Variants in LYPLAL1 observed in about 807,000 individuals in gnomAD.
The protein encoded by LYPLAL1 is lysophospholipase like 1, also known as lysophospholipase-like protein 1.
LYPLAL1 carries 23 observed loss-of-function variants against 19.7 expected under a neutral mutation model. The ratio of observed to expected loss-of-function variants is 1.17; its 90% CI spans 0.84 to 1.65. LYPLAL1 has a LOEUF of 1.65. Among genes scored for constraint, LYPLAL1 ranks in the 40% most tolerant of loss-of-function variants. The probability of loss-of-function intolerance (pLI) is 0.00; values close to 1 mark genes in which losing one functional copy is unlikely to be tolerated. For missense variants in LYPLAL1, 355 were observed against 279.4 expected, an observed-to-expected ratio of 1.27 and a Z score of -1.93; for synonymous variants, 119 against 96.3, an observed-to-expected ratio of 1.24 and a Z score of -1.38.
the LYPLAL1 span, among the ~76,000 whole-genome samples, chr1:219,229,428 C>CATCT: frequency 6.6e-6 from 1 of 152,018 alleles, no homozygotes; most frequent in African/African-American, 2.4e-5. Flanking sequence ...CGGCGAAAAG[C>CATCT]ATCTCTCTTC....
chr1:219,230,432 A>G, the LYPLAL1 span, among the ~76,000 whole-genome samples: 1 of 152,128 alleles, frequency 6.6e-6, no homozygotes, highest in Admixed American at 6.5e-5. Flanking sequence ...TTGCAATTTG[A>G]TTGACTTAGC....
the LYPLAL1 span, among the ~76,000 whole-genome samples, chr1:219,233,918 T>C: frequency 6.6e-6 from 1 of 152,276 alleles, no homozygotes; most frequent in South Asian, 2.1e-4. Flanking sequence ...TGACCATACA[T>C]AGGGAAAAGA....
chr1:219,212,883 T>A (rs1181503363), downstream of LYPLAL1: 1 of 152,084 alleles, frequency 6.6e-6, no homozygotes, highest in Non-Finnish European at 1.5e-5. Flanking sequence ...CATCGACCTA[T>A]GTTATTTTTC....
At chr1:219,200,287 C>A in intron 3 of LYPLAL1, 2 of 218,414 alleles carry the variant, frequency 9.2e-6, no homozygotes, top group South Asian at 8.8e-5. Context: ...ATTTGTAGCT[C>A]CAGTACTTCT....
downstream of LYPLAL1, among the ~76,000 whole-genome samples, chr1:219,214,984 C>T (rs1362327952): frequency 6.6e-6 from 1 of 152,098 alleles, no homozygotes; most frequent in Non-Finnish European, 1.5e-5. Context: ...GCCACTGCAC[C>T]TGACCCAGGC....
the LYPLAL1 span, among the ~76,000 whole-genome samples, chr1:219,344,042 C>A: frequency 6.6e-6 from 1 of 152,148 alleles, no homozygotes; most frequent in Non-Finnish European, 1.5e-5. Context: ...AGGAAAGATT[C>A]CCCTCCACCT....
At chr1:219,220,385 T>C in the LYPLAL1 span, among the ~76,000 whole-genome samples, 1 of 151,520 alleles carries the variant, frequency 6.6e-6, no homozygotes, top group Admixed American at 6.6e-5. Flanking sequence ...AGAAGGCATA[T>C]CAAGCAGGCC....
the LYPLAL1 span, among the ~76,000 whole-genome samples, chr1:219,234,945 A>T: frequency 3.3e-5 from 5 of 150,862 alleles, no homozygotes; most frequent in Non-Finnish European, 5.9e-5. Flanking sequence ...TCATTTCTTT[A>T]TCCCTGTATT....
chr1:219,202,313 A>G (rs1004473968), intron 3 of LYPLAL1, among the ~76,000 whole-genome samples: 4 of 152,192 alleles, frequency 2.6e-5, no homozygotes, highest in African/African-American at 9.6e-5. Context: ...CACCCATCCT[A>G]TGGTCACCTG....
Position 219,205,350 on chromosome 1 carries a change from C to G in LYPLAL1, c.362-5182C>G, listed in dbSNP as rs1422227932. On this transcript the variant is annotated intron_variant, in intron 3 of 4. Coordinates refer to ENST00000366928, the MANE Select transcript of LYPLAL1 (RefSeq NM_138794.5). ...CCGCAGTCCGGCCTGGGCGACAGAG[C>G]GAGACTCCGTCTCAAAAAAAAAAAA... Among the ~76,000 whole-genome samples the G allele has an allele frequency of 3.4e-5, 4 of 118,698 alleles. No homozygotes were observed. The East Asian group carries it at 1.0e-3, about 31-fold the overall frequency. The allele number at this position is 118,698 out of a possible 152,430, so 77.9% of individuals were successfully genotyped here.
chr1:219,332,822 G>T, the LYPLAL1 span, among the ~76,000 whole-genome samples: 1 of 125,718 alleles, frequency 8.0e-6, no homozygotes. Context: ...CTGATTTTCT[G>T]CCCCCCCCCC....
chr1:219,316,458 A>T, the LYPLAL1 span, among the ~76,000 whole-genome samples: 2 of 152,132 alleles, frequency 1.3e-5, no homozygotes, highest in Non-Finnish European at 2.9e-5. Context: ...TCTTCATAGG[A>T]TGAGTGGAAA....
chr1:219,205,061 A>G, intron 3 of LYPLAL1, among the ~76,000 whole-genome samples: 1 of 152,182 alleles, frequency 6.6e-6, no homozygotes, highest in East Asian at 1.9e-4. Flanking sequence ...TATTAATAGA[A>G]TTGAGTATTA....
At chr1:219,354,520 G>GACT in the LYPLAL1 span, among the ~76,000 whole-genome samples, 1 of 152,190 alleles carries the variant, frequency 6.6e-6, no homozygotes, top group Admixed American at 6.5e-5. Context: ...GATTAAAGCA[G>GACT]TAAGTCGCAG....
intron 3 of LYPLAL1, among the ~76,000 whole-genome samples, chr1:219,203,591 G>T (rs1310919203): frequency 6.6e-6 from 1 of 152,216 alleles, no homozygotes; most frequent in African/African-American, 2.4e-5. Context: ...AGTGGCAACT[G>T]AGTCTTAAAG....
chr1:219,422,368 T>A, the LYPLAL1 span, among the ~76,000 whole-genome samples: 1 of 152,158 alleles, frequency 6.6e-6, no homozygotes, highest in Non-Finnish European at 1.5e-5. Context: ...ACCAGGAACT[T>A]TGTATTTTTC....
chr1:219,299,197 A>G, the LYPLAL1 span, among the ~76,000 whole-genome samples: 2 of 104,744 alleles, frequency 1.9e-5, no homozygotes. Context: ...AACTAATTTT[A>G]TTATGCATTA....
intron 2 of LYPLAL1, among the ~76,000 whole-genome samples, chr1:219,190,764 T>C (rs1203917868): frequency 6.7e-6 from 1 of 150,328 alleles, no homozygotes; most frequent in Non-Finnish European, 1.5e-5. Flanking sequence ...AAGAAAAAAA[T>C]TGAAATGACA....
the LYPLAL1 span, among the ~76,000 whole-genome samples, chr1:219,240,171 C>T: frequency 5.9e-5 from 9 of 151,842 alleles, no homozygotes; most frequent in African/African-American, 2.2e-4. Flanking sequence ...TTTGAAATCA[C>T]GTGTGCCCTT....
Sources: allele counts gnomAD v4.1 joint callset (sites outside exome capture counted in the v4.1 genomes callset), GRCh38; gene constraint gnomAD v4.1.1; transcripts MANE v1.5; gene names NCBI Gene and HGNC (gene_info 2026-07-23, HGNC 2026-07-21).